Variants in TG observed in about 807,000 individuals in gnomAD.
TG encodes the protein thyroid hormones.
In TG, 270 loss-of-function variants were observed where a neutral mutation model predicts 324.7. The observed-to-expected ratio is 0.83, with a 90% CI of 0.75 to 0.92. The LOEUF is 0.92. TG is among the 40% of genes least tolerant of loss of function. The pLI, the probability that TG is intolerant of heterozygous loss-of-function variation, is 0.00. For missense variants in TG, 3,591 were observed against 3,456.4 expected, an observed-to-expected ratio of 1.04 and a Z score of -0.98; for synonymous variants, 1,401 against 1,327.0, an observed-to-expected ratio of 1.06 and a Z score of -1.21.
intron 41 of TG, among the ~76,000 whole-genome samples, chr8:133,091,305 G>A (rs1847479624): frequency 6.6e-6 from 1 of 152,214 alleles, no homozygotes; most frequent in Non-Finnish European, 1.5e-5. Flanking sequence ...CTCCATGTGA[G>A]GTAGACACCA....
intron 19 of TG, 74 bp downstream of exon 19, chr8:132,911,607 T>C (rs1485563246): frequency 7.7e-7 from 1 of 1,292,408 alleles, no homozygotes; most frequent in African/African-American, 1.5e-5. Flanking sequence ...ATCTGCCAAA[T>C]GGAGCTGGTG....
intron 41 of TG, among the ~76,000 whole-genome samples, chr8:133,046,856 C>T (rs1158539582): frequency 6.6e-6 from 1 of 152,098 alleles, no homozygotes; most frequent in African/African-American, 2.4e-5. Flanking sequence ...AAGGCTGATG[C>T]TCATTTTGGT....
chr8:132,950,649 G>A (rs2130123791), intron 27 of TG, among the ~76,000 whole-genome samples: 1 of 152,318 alleles, frequency 6.6e-6, no homozygotes, highest in East Asian at 1.9e-4. Flanking sequence ...CCTGTCTGTG[G>A]AAAGTTTGTC....
At chr8:132,941,934 C>T (rs1437591301) in intron 26 of TG, among the ~76,000 whole-genome samples, 11 of 152,206 alleles carry the variant, frequency 7.2e-5, no homozygotes, top group Admixed American at 7.2e-4. Context: ...ACTTGTGAAG[C>T]CAGGACTGGA....
At chr8:133,010,889 T>C (rs140585044) in intron 35 of TG, among the ~76,000 whole-genome samples, 24 of 152,096 alleles carry the variant, frequency 1.6e-4, no homozygotes, top group African/African-American at 3.4e-4. Flanking sequence ...CAGAGAGCAG[T>C]TGGAGGGCAC....
chr8:132,972,552 T>C, intron 33 of TG, 46 bp from the exon 34 acceptor site: 1 of 1,601,276 alleles, frequency 6.2e-7, no homozygotes, highest in Non-Finnish European at 8.5e-7. Context: ...TCCATTGTAC[T>C]CAGTTTCCTG....
chr8:133,081,695 A>G (rs1274175307), intron 41 of TG, among the ~76,000 whole-genome samples: 1 of 151,312 alleles, frequency 6.6e-6, no homozygotes, highest in Admixed American at 6.6e-5. Flanking sequence ...CTCAACCTAG[A>G]CCCACTGCCT....
intron 17 of TG, among the ~76,000 whole-genome samples, chr8:132,907,371 C>T (rs1054863186): frequency 7.2e-5 from 11 of 152,168 alleles, no homozygotes; most frequent in African/African-American, 2.4e-4. Flanking sequence ...GGACTCTGCT[C>T]CAGGTAGGGC....
intron 41 of TG, among the ~76,000 whole-genome samples, chr8:133,042,678 C>CCTTTTT (rs1554706932): frequency 0.076 from 4,314 of 56,970 alleles, 526 homozygotes; most frequent in East Asian, 0.22. Context: ...CATTCTGTGT[C>CCTTTTT]TTTTTTTTTT....
At chr8:133,069,035 C>T (rs1230963062) in intron 41 of TG, among the ~76,000 whole-genome samples, 4 of 152,252 alleles carry the variant, frequency 2.6e-5, no homozygotes, top group Non-Finnish European at 1.5e-5. Context: ...TAATCCTAGC[C>T]ATTACATAGA....
chr8:133,122,092 A>G (rs1395194412), intron 45 of TG, among the ~76,000 whole-genome samples: 1 of 152,132 alleles, frequency 6.6e-6, no homozygotes. Context: ...CTGTTAGCAT[A>G]TATTAGCTTT....
chr8:132,906,517 C>A (rs1818704265), intron 16 of TG, among the ~76,000 whole-genome samples, 171 bp from the exon 17 acceptor site: 2 of 151,958 alleles, frequency 1.3e-5, no homozygotes, highest in South Asian at 4.2e-4. Context: ...GAGGGCAGGG[C>A]AGAGAGAAAG....
At chr8:133,054,017 C>G (rs142811615) in intron 41 of TG, among the ~76,000 whole-genome samples, 12 of 152,282 alleles carry the variant, frequency 7.9e-5, no homozygotes, top group African/African-American at 2.9e-4. Context: ...TTGGCTTGTA[C>G]TTCTGTGGGG....
At chr8:133,117,131 A>AAT (rs1454063160) in intron 45 of TG, among the ~76,000 whole-genome samples, 1 of 152,208 alleles carries the variant, frequency 6.6e-6, no homozygotes, top group East Asian at 1.9e-4. Context: ...TTACTTCCAG[A>AAT]ATAGGTTCCA....
At position 132,991,476 on chromosome 8, in the gene TG, T is replaced by C. The variant is rs117386376; in HGVS notation, c.6262+8064T>C. Among the ~76,000 whole-genome samples the C allele has an allele frequency of 1.9e-3, 282 of 152,340 alleles. 5 individuals are homozygous for C. Among genetic ancestry groups the C allele is most frequent in the East Asian group, 8.3e-3 (43 of 5,182 alleles). ...CACTGATTCCAAAATTGTTTAGTGT[T>C]TGTATAAAACTTAAATGTCCTGTCT... On this transcript the variant is annotated intron_variant, in intron 35 of 47. Coordinates refer to ENST00000220616, the MANE Select transcript of TG (RefSeq NM_003235.5).
At chr8:133,047,935 T>A in intron 41 of TG, 1 of 1,594,076 alleles carries the variant, frequency 6.3e-7, no homozygotes, top group Non-Finnish European at 8.6e-7. Flanking sequence ...AACAGCCAGC[T>A]GGGAAGGAGG....
At chr8:132,949,299 A>G (rs1336452983) in intron 27 of TG, among the ~76,000 whole-genome samples, 3 of 152,208 alleles carry the variant, frequency 2.0e-5, no homozygotes, top group Non-Finnish European at 4.4e-5. Context: ...CTCTGGAGGA[A>G]CGTACTCTTC....
rs1818175665 is a variant in TG, at chr8:132,903,208, C to T, written c.3634+1655C>T. 2.0e-5 allele frequency among the ~76,000 whole-genome samples: 3 copies of T among 152,206 alleles called. No individual in the cohort carries two copies. In the South Asian group the frequency reaches 6.2e-4, roughly 32 times the overall value. Reference sequence around the variant, plus strand: ...CAAAGGAAGAACTTTGGCCTCCTCTCCTTATAAGGGAGCAGTTCATTGGCT... The same window carrying T: ...CAAAGGAAGAACTTTGGCCTCCTCTTCTTATAAGGGAGCAGTTCATTGGCT... On this transcript the variant is annotated intron_variant, in intron 16 of 47. Transcript: ENST00000220616.
chr8:133,075,755 G>A (rs1001154154), intron 41 of TG, among the ~76,000 whole-genome samples: 1 of 151,974 alleles, frequency 6.6e-6, no homozygotes, highest in Non-Finnish European at 1.5e-5. Context: ...AATCATTGTG[G>A]CACCAACCTA....
Sources: gnomAD v4.1 joint callset for allele counts (sites outside exome capture counted in the v4.1 genomes callset) on GRCh38, gnomAD v4.1.1 for gene constraint, MANE v1.5 for transcripts, NCBI Gene and HGNC (gene_info 2026-07-23, HGNC 2026-07-21) for gene names.